The following ST7L variants were observed in gnomAD, a reference collection of about 807,000 sequenced individuals.
ST7L encodes the protein suppression of tumorigenicity 7 like.
A neutral mutation model predicts 72.5 loss-of-function variants in ST7L; 57 were observed. That is an observed-to-expected ratio of 0.79 (90% confidence interval 0.64 to 0.98). The LOEUF (loss-of-function observed/expected upper bound fraction) is 0.98. ST7L is among the 50% of genes least tolerant of loss of function. The pLI is 0.00. For synonymous variants in ST7L, 221 were observed against 240.9 expected (o/e 0.92, Z 0.77); for missense variants, 576 against 672.2 (o/e 0.86, Z 1.58).
At chr1:112,572,950 G>T (rs1332255876) in intron 11 of ST7L, among the ~76,000 whole-genome samples, 1 of 151,976 alleles carries the variant, frequency 6.6e-6, no homozygotes, top group Non-Finnish European at 1.5e-5. Context: ...ATAAATAGTA[G>T]AAAAAACCCA....
At chr1:112,570,515 T>C (rs1011780935) in intron 11 of ST7L, among the ~76,000 whole-genome samples, 8 of 147,078 alleles carry the variant, frequency 5.4e-5, no homozygotes, top group Non-Finnish European at 1.2e-4. Flanking sequence ...ATACAACCAT[T>C]TGTATAATAA....
At chr1:112,557,101 TC>T (rs1486947025) in intron 11 of ST7L, among the ~76,000 whole-genome samples, 3 of 152,048 alleles carry the variant, frequency 2.0e-5, no homozygotes, top group African/African-American at 7.2e-5. Flanking sequence ...GAGATATAAT[TC>T]ACATACCTTA....
chr1:112,578,847 G>C (rs1017627908), intron 9 of ST7L, among the ~76,000 whole-genome samples: 2 of 152,112 alleles, frequency 1.3e-5, no homozygotes, highest in Non-Finnish European at 2.9e-5. Flanking sequence ...TAGTTATATA[G>C]GAAAAACCTG....
chr1:112,578,279 T>G, intron 10 of ST7L, 66 bp downstream of exon 10: 2 of 1,405,086 alleles, frequency 1.4e-6, no homozygotes, highest in South Asian at 2.3e-5. Context: ...TTAAAGTCAG[T>G]AGAGGACAAG....
chr1:112,556,835 G>T (rs1048256388), intron 11 of ST7L, among the ~76,000 whole-genome samples: 2 of 151,634 alleles, frequency 1.3e-5, no homozygotes, highest in African/African-American at 4.8e-5. Context: ...GGGCCTGGTG[G>T]TGCATGCCTG....
At position 112,573,910 on chromosome 1, in the gene ST7L, GTT is replaced by G. The variant is rs920123003; in HGVS notation, c.1245+3074_1245+3075del. On this transcript the variant is annotated intron_variant, in intron 11 of 14. Coordinates refer to ENST00000358039, the MANE Select transcript of ST7L (RefSeq NM_017744.5). ...CCCTGTCTTCGTTTTTTCTTTTCCTGTTTTTTTTTTTTTTTTTTTTTTGAGAC... is the reference window on the plus strand; with the variant it reads ...CCCTGTCTTCGTTTTTTCTTTTCCTGTTTTTTTTTTTTTTTTTTTTGAGAC... 9.8e-3 allele frequency among the ~76,000 whole-genome samples: 897 copies of G among 91,832 alleles called. 2 individuals carry two copies. The highest frequency in any genetic ancestry group is 0.015 in the Non-Finnish European group (748 of 49,032). 60.2% of individuals were successfully genotyped at this position (91,832 alleles called of 152,430 possible).
At position 112,582,098 on chromosome 1, in the gene ST7L, T is replaced by C; in HGVS notation, c.963A>G (p.Lys321=). ...EAVKIMRDLM[K]EFPPLTMLNI... The stretch of plus-strand genomic sequence containing the variant: ...TCAACATGGTAAGAGGAGGAAATTC[T>C]TTCATCAACTGTATATTAAAAGGAA... Residue 321 remains lysine (K), a synonymous_variant, in exon 9 of 15, where the codon AAA becomes AAG. Transcript: ENST00000358039. 2 of 1,596,474 alleles carry C rather than the reference T, an allele frequency of 1.3e-6. No individual in the cohort carries two copies. Among genetic ancestry groups the C allele is most frequent in the Non-Finnish European group, 1.7e-6 (2 of 1,164,788 alleles).
At chr1:112,568,738 A>G (rs866057530) in intron 11 of ST7L, among the ~76,000 whole-genome samples, 3 of 149,864 alleles carry the variant, frequency 2.0e-5, no homozygotes, top group Non-Finnish European at 4.5e-5. Context: ...GGCCAGGCAC[A>G]GTGACTCAAG....
intron 5 of ST7L, among the ~76,000 whole-genome samples, chr1:112,596,287 C>G (rs1260836471): frequency 2.0e-5 from 3 of 152,180 alleles, no homozygotes; most frequent in South Asian, 2.1e-4. Context: ...AGATAAATCA[C>G]TATGAACTCA....
intron 14 of ST7L, among the ~76,000 whole-genome samples, chr1:112,538,763 G>T (rs908054924): frequency 6.6e-6 from 1 of 152,140 alleles, no homozygotes; most frequent in South Asian, 2.1e-4. Flanking sequence ...AGGGGGTAGG[G>T]TTTCCCACTA....
intron 5 of ST7L, among the ~76,000 whole-genome samples, chr1:112,595,260 G>A (rs1666281097): frequency 6.6e-6 from 1 of 150,878 alleles, no homozygotes; most frequent in Non-Finnish European, 1.5e-5. Flanking sequence ...AGCTACTCAG[G>A]AGGCTGAGGC....
rs374154681 is a variant in ST7L, at chr1:112,579,632, G to A, written c.1070-1215C>T. On this transcript the variant is annotated intron_variant, in intron 9 of 14. Transcript: ENST00000358039. ...GAAAATAAAAATTTCATCTGGAACT[G>A]TAGGTAAATTAATTATATCAATCAT... Among the ~76,000 whole-genome samples, 23 of 152,000 alleles carry A rather than the reference G, an allele frequency of 1.5e-4. No homozygotes were observed. The South Asian group carries it at 2.9e-3, about 19-fold the overall frequency.
chr1:112,559,744 G>A (rs1659791894), intron 11 of ST7L, among the ~76,000 whole-genome samples: 1 of 151,980 alleles, frequency 6.6e-6, no homozygotes, highest in African/African-American at 2.4e-5. Flanking sequence ...ACTTTGAGAT[G>A]CCAAGGCAGG....
At chr1:112,570,545 GTATATATATATATA>G (rs71584748) in intron 11 of ST7L, among the ~76,000 whole-genome samples, 32,372 of 130,966 alleles carry the variant, frequency 0.25, 4,043 homozygotes, top group Middle Eastern at 0.29. Context: ...AATAAAAGAT[GTATATATATATATA>G]TATATATATA....
intron 11 of ST7L, among the ~76,000 whole-genome samples, chr1:112,568,330 A>AT (rs776031521): frequency 0.09 from 10,576 of 116,922 alleles, 767 homozygotes; most frequent in African/African-American, 0.17. Context: ...CTGTAATAAT[A>AT]TTTTTTTTTT....
chr1:112,567,107 T>A (rs191687983), intron 11 of ST7L, among the ~76,000 whole-genome samples: 1 of 152,366 alleles, frequency 6.6e-6, no homozygotes. Flanking sequence ...CACATTCTTA[T>A]TGACATTTTA....
intron 1 of ST7L, chr1:112,618,286 T>C: frequency 1.9e-6 from 2 of 1,035,952 alleles, no homozygotes; most frequent in Non-Finnish European, 2.3e-6. Context: ...TAGCAAGTGT[T>C]CTACAGACGT....
In ST7L at chr1:112,541,964, A is replaced by G; in HGVS notation, c.1616T>C (p.Ile539Thr). The G allele has an allele frequency of 3.1e-6, 5 of 1,613,782 alleles. No homozygotes were observed. The highest frequency in any genetic ancestry group is 4.2e-6 in the Non-Finnish European group (5 of 1,179,908). ...LTHQFPEIMG[I>T]FAKAVLGLWC... ...GATCATACTTACAGCTTTAGCAAAA[A>G]TACCCATGATTTCAGGAAACTGGTG... Residue 539 changes from isoleucine (I) to threonine (T), a missense_variant, in exon 14 of 15, where the codon ATT (isoleucine) becomes ACT (threonine). Around this residue, in one of 3 missense-constraint regions of ST7L, gnomAD observed 511 missense variants for 600.7 expected, o/e 0.85. Transcript: ENST00000358039.
intron 5 of ST7L, among the ~76,000 whole-genome samples, chr1:112,597,693 T>C (rs751742336): frequency 2.3e-4 from 35 of 152,204 alleles, no homozygotes; most frequent in Non-Finnish European, 4.1e-4. Context: ...CAGACAGAAA[T>C]GGGGTACACT....
Sources: gnomAD v4.1 joint callset for allele counts (sites outside exome capture counted in the v4.1 genomes callset) on GRCh38, gnomAD v4.1.1 for gene constraint, gnomAD v4.1.1 regional missense constraint, MANE v1.5 for transcripts, NCBI Gene and HGNC (gene_info 2026-07-23, HGNC 2026-07-21) for gene names.